PRKCB: variants seen among roughly 807,000 people sequenced by gnomAD.
PRKCB encodes protein kinase C beta.
Under a neutral mutation model 81.5 loss-of-function variants are expected in PRKCB, and 13 were observed. That is an observed-to-expected ratio of 0.16 (90% CI 0.10 to 0.25). The LOEUF is 0.25. PRKCB is among the 10% of genes least tolerant of loss of function. The probability of loss-of-function intolerance (pLI) is 1.00; values close to 1 mark genes in which losing one functional copy is unlikely to be tolerated. For synonymous variants in PRKCB, 335 were observed against 321.4 expected, an observed-to-expected ratio of 1.04 and a Z score of -0.45; for missense variants, 509 against 875.7, an observed-to-expected ratio of 0.58 and a Z score of 5.29.
chr16:24,134,843 T>C (rs1351836469), intron 9 of PRKCB, among the ~76,000 whole-genome samples: 3 of 151,816 alleles, frequency 2.0e-5, no homozygotes, highest in Non-Finnish European at 4.4e-5. Context: ...GCCCAGGAGT[T>C]CGAGGCTGAA....
At chr16:24,094,444 T>C (rs1373966412) in intron 7 of PRKCB, 147 bp downstream of exon 7, 1 of 1,150,098 alleles carries the variant, frequency 8.7e-7, no homozygotes, top group African/African-American at 1.6e-5. Flanking sequence ...CTTGCAGATA[T>C]GTTTTGTTTG....
intron 9 of PRKCB, among the ~76,000 whole-genome samples, chr16:24,142,697 C>G (rs1295483936): frequency 6.6e-6 from 1 of 152,194 alleles, no homozygotes; most frequent in African/African-American, 2.4e-5. Flanking sequence ...CACGGAAGGG[C>G]TGGGGGAAGG....
intron 16 of PRKCB, among the ~76,000 whole-genome samples, chr16:24,191,960 G>A (rs1967800252): frequency 1.3e-5 from 2 of 152,222 alleles, no homozygotes; most frequent in Admixed American, 6.5e-5. Flanking sequence ...TAATCAAACT[G>A]TTATTCTGCT....
At chr16:23,990,481 T>G (rs984477807) in intron 3 of PRKCB, among the ~76,000 whole-genome samples, 2 of 128,680 alleles carry the variant, frequency 1.6e-5, no homozygotes, top group African/African-American at 6.8e-5. Context: ...AAAAAGAAGC[T>G]TTTTTTTTTT....
In PRKCB at chr16:24,218,443, TCAGCATCTTAGC is replaced by T; in HGVS notation, c.*3629_*3640del. ...GGACCCTACCCAGGAAACAGCTCCA[TCAGCATCTTAGC>T]CTGCCCCACTCTAGCCACACATACC... On this transcript the variant is annotated 3_prime_UTR_variant, in exon 17 of 17. Transcript: ENST00000643927. The T allele has an allele frequency of 1.0e-6, 1 of 985,394 alleles. No homozygotes were observed. Among genetic ancestry groups the T allele is most frequent in the Non-Finnish European group, 1.2e-6 (1 of 829,978 alleles). The allele number at this position is 985,394 out of a possible 1,614,324, so 61.0% of individuals were successfully genotyped here.
At chr16:24,070,146 G>GGT (rs376637927) in intron 5 of PRKCB, among the ~76,000 whole-genome samples, 1 of 144,464 alleles carries the variant, frequency 6.9e-6, no homozygotes, top group African/African-American at 2.8e-5. Context: ...GAAACCAGGG[G>GGT]ATTTTTTTTT....
intron 3 of PRKCB, among the ~76,000 whole-genome samples, chr16:24,005,999 C>A (rs955877384): frequency 3.3e-5 from 5 of 152,218 alleles, no homozygotes; most frequent in African/African-American, 1.2e-4. Context: ...GACCCATTTA[C>A]ATCTCTCAAG....
intron 11 of PRKCB, 115 bp from the exon 12 acceptor site, chr16:24,174,403 C>T (rs1311528888): frequency 2.2e-6 from 2 of 897,262 alleles, no homozygotes; most frequent in Non-Finnish European, 1.7e-6. Flanking sequence ...AGCTGACCAT[C>T]CATGGGTTCT....
chr16:24,086,911 T>C (rs376056455), intron 5 of PRKCB, among the ~76,000 whole-genome samples: 1 of 152,212 alleles, frequency 6.6e-6, no homozygotes, highest in Non-Finnish European at 1.5e-5. Context: ...AATTTTTTTA[T>C]TCTGACATAA....
intron 3 of PRKCB, among the ~76,000 whole-genome samples, chr16:23,989,991 G>A (rs1964859194): frequency 6.6e-6 from 1 of 152,098 alleles, no homozygotes; most frequent in Non-Finnish European, 1.5e-5. Context: ...TTTGTACAAG[G>A]ATATAATGCT....
intron 3 of PRKCB, among the ~76,000 whole-genome samples, chr16:24,009,085 A>C (rs535879271): frequency 6.6e-6 from 1 of 152,108 alleles, no homozygotes; most frequent in Non-Finnish European, 1.5e-5. Context: ...CATTTTCCTT[A>C]TCCATTTGTT....
intron 3 of PRKCB, among the ~76,000 whole-genome samples, chr16:24,018,705 G>A (rs1459163829): frequency 6.6e-6 from 1 of 152,208 alleles, no homozygotes; most frequent in Middle Eastern, 3.2e-3. Context: ...GTTAGAAGAG[G>A]GCAGGGTATA....
chr16:23,975,219 A>G (rs1350876586), intron 2 of PRKCB, among the ~76,000 whole-genome samples: 1 of 151,954 alleles, frequency 6.6e-6, no homozygotes, highest in African/African-American at 2.4e-5. Context: ...CTGGCTGGGG[A>G]TTAAGCTTTT....
chr16:24,021,115 C>CTTTCTTTCTTTCTTTCTTTCTTTTTT (rs1375631928), intron 3 of PRKCB, among the ~76,000 whole-genome samples: 1 of 93,846 alleles, frequency 1.1e-5, no homozygotes, highest in Non-Finnish European at 2.4e-5. Context: ...TTCCTTCTCT[C>CTTTCTTTCTTTCTTTCTTTCTTTTTT]TCTTTCTTTC....
chr16:24,130,908 T>C (rs1192284487), intron 9 of PRKCB, among the ~76,000 whole-genome samples: 1 of 152,220 alleles, frequency 6.6e-6, no homozygotes, highest in African/African-American at 2.4e-5. Context: ...CTCAGCCACA[T>C]TCCCTACTTT....
intron 2 of PRKCB, among the ~76,000 whole-genome samples, chr16:23,965,957 C>T (rs996497817): frequency 6.6e-6 from 1 of 152,232 alleles, no homozygotes; most frequent in African/African-American, 2.4e-5. Flanking sequence ...TGATCTCTCT[C>T]TTGGCCACTT....
chr16:24,058,574 T>G (rs185435478), intron 5 of PRKCB, among the ~76,000 whole-genome samples: 10 of 152,278 alleles, frequency 6.6e-5, no homozygotes, highest in Admixed American at 1.3e-4. Context: ...TGAAGTCTGA[T>G]TAATGCCTGA....
At chr16:23,837,194 G>T (rs1962177736) in intron 1 of PRKCB, 181 bp from the exon 2 acceptor site, 2 of 746,758 alleles carry the variant, frequency 2.7e-6, no homozygotes, top group East Asian at 2.5e-5. Context: ...AGGCAGATGG[G>T]GGTTACAGCC....
intron 2 of PRKCB, among the ~76,000 whole-genome samples, chr16:23,958,694 T>C (rs1567326137): frequency 6.7e-6 from 1 of 149,802 alleles, no homozygotes. Flanking sequence ...TTCTTCTTCT[T>C]CTCCTCCTCC....
Sources: gnomAD v4.1 joint callset for allele counts (sites outside exome capture counted in the v4.1 genomes callset) on GRCh38, gnomAD v4.1.1 for gene constraint, MANE v1.5 for transcripts, NCBI Gene and HGNC (gene_info 2026-07-23, HGNC 2026-07-21) for gene names.